Variants in A2M observed in about 807,000 individuals in gnomAD.
The protein encoded by A2M is alpha-2-macroglobulin, also known as C3 and PZP-like alpha-2-macroglobulin domain-containing protein 5.
In A2M, 128 loss-of-function variants were observed where a neutral mutation model predicts 183.9. The ratio of observed to expected loss-of-function variants is 0.70; its 90% CI spans 0.60 to 0.81. The LOEUF is 0.81. Among genes scored for constraint, A2M ranks in the 30% least tolerant of loss-of-function variants. The pLI is 0.00. For synonymous variants in A2M, 592 were observed against 670.8 expected (o/e 0.88, Z 1.81); for missense variants, 1,495 against 1,787.6 (o/e 0.84, Z 2.95).
intron 21 of A2M, among the ~76,000 whole-genome samples, chr12:9,089,538 C>G (rs1186220347): frequency 1.3e-5 from 2 of 152,074 alleles, no homozygotes; most frequent in Admixed American, 6.5e-5. Context: ...GCCAGGAGTT[C>G]GAGACCAGCC....
chr12:9,094,339 G>GTATA lies in A2M; in HGVS notation c.2125+633_2125+634insTATA, dbSNP rs1565592461. ...CCAGCTCTCTGGAAAAAAAAATTGTGCATATATATATATATATATATATAT... is the reference window on the plus strand; with the variant it reads ...CCAGCTCTCTGGAAAAAAAAATTGTGTATACATATATATATATATATATATATAT... On this transcript the variant is annotated intron_variant, in intron 17 of 35. Coordinates refer to ENST00000318602, the MANE Select transcript of A2M (RefSeq NM_000014.6). Among the ~76,000 whole-genome samples, 10 of 65,254 alleles carry GTATA rather than the reference G, an allele frequency of 1.5e-4. No homozygotes were observed. In the East Asian group the frequency reaches 6.1e-3, roughly 40 times the overall value. The allele number at this position is 65,254 out of a possible 152,430, so 42.8% of individuals were successfully genotyped here.
chr12:9,072,375 T>C lies in A2M; in HGVS notation c.4087A>G (p.Ile1363Val). The C allele has an allele frequency of 6.2e-7, 1 of 1,613,918 alleles. No individual in the cohort carries two copies. Among genetic ancestry groups the C allele is most frequent in the Non-Finnish European group, 8.5e-7 (1 of 1,179,868 alleles). Residue 1363 changes from isoleucine to valine, a missense_variant, in exon 31 of 36, where the codon ATC becomes GTC. Physicochemically the swap from Ile to Val is conservative, Grantham distance 29. Transcript: ENST00000318602. ...DEPKAHTSFQ[I>V]SLSVSYTGSR... is the part of the protein sequence containing the mutation. ...AGGTCTTACCTGACACTTAGGGAGA[T>C]TTGGAAGCTGGTGTGGGCTTTGGGT...
At chr12:9,104,483 C>T in intron 10 of A2M, 83 bp from the exon 11 acceptor site, 1 of 1,418,588 alleles carries the variant, frequency 7.0e-7, no homozygotes, top group Non-Finnish European at 9.6e-7. Context: ...TTTTTTAGTG[C>T]CTCCTCTATG....
chr12:9,093,897 A>G (rs747498148), intron 17 of A2M, among the ~76,000 whole-genome samples: 43 of 151,582 alleles, frequency 2.8e-4, no homozygotes, highest in African/African-American at 9.8e-4. Context: ...CGTCTCAAAC[A>G]AACAAACAAA....
chr12:9,078,054 C>T (rs1372129900), intron 25 of A2M, among the ~76,000 whole-genome samples, 197 bp from the exon 26 acceptor site: 3 of 152,098 alleles, frequency 2.0e-5, no homozygotes, highest in African/African-American at 7.2e-5. Flanking sequence ...CTCTCTTTGC[C>T]ACAGGGAGTC....
At chr12:9,090,746 T>C (rs779057842) in intron 19 of A2M, among the ~76,000 whole-genome samples, 24 of 152,318 alleles carry the variant, frequency 1.6e-4, no homozygotes, top group African/African-American at 5.5e-4. Flanking sequence ...GGCATGCTGC[T>C]CTACCTCTTT....
Position 9,079,302 on chromosome 12 carries a change from A to G in A2M, c.3061T>C (p.Tyr1021His), listed in dbSNP as rs1179413694. 2 of 1,613,658 alleles carry G rather than the reference A, an allele frequency of 1.2e-6. No homozygotes were observed. Among genetic ancestry groups the G allele is most frequent in the African/African-American group, 2.7e-5 (2 of 74,870 alleles). The change falls in exon 25 of 36, where the codon TAT becomes CAT. Residue 1021 changes from tyrosine to histidine, a missense_variant. By Grantham distance (83) the Tyr-to-His change is moderately conservative (BLOSUM62 2). Coordinates refer to ENST00000318602, the MANE Select transcript of A2M (RefSeq NM_000014.6). ...CCAAAGGTGCTGTAGGAGCCATCAT[A>G]GTGTTTGTAGTTCAACTGTCTCTGG... Reference protein sequence around the residue: ...GYQRQLNYKHYDGSYSTFGER... With the variant: ...GYQRQLNYKHHDGSYSTFGER...
In A2M at chr12:9,098,679, G is replaced by T; in HGVS notation, c.1779C>A (p.Ser593=). The T allele has an allele frequency of 6.2e-7, 1 of 1,611,826 alleles. No homozygotes were observed. Among genetic ancestry groups the T allele is most frequent in the Non-Finnish European group, 8.5e-7 (1 of 1,179,252 alleles). Residue 593 remains serine, a synonymous_variant, in exon 15 of 36, where the codon TCC becomes TCA. Coordinates refer to ENST00000318602, the MANE Select transcript of A2M (RefSeq NM_000014.6). Reference sequence around the variant, plus strand: ...GGTCCACAGCACGGAGGGCGCAGACGGACTGAGGAGCCGCTGTGACTCGCA... The same window carrying T: ...GGTCCACAGCACGGAGGGCGCAGACTGACTGAGGAGCCGCTGTGACTCGCA... The part of the protein sequence containing the change: ...AHLRVTAAPQ[S]VCALRAVDQS...
intron 29 of A2M, 73 bp from the exon 30 acceptor site, chr12:9,072,944 A>G (rs1948624485): frequency 1.6e-6 from 2 of 1,269,732 alleles, no homozygotes; most frequent in South Asian, 2.7e-5. Context: ...TTTTTCAAAG[A>G]CCCATGTGAG....
At chr12:9,112,563 C>G in intron 2 of A2M, 27 bp from the exon 3 acceptor site, 1 of 1,612,482 alleles carries the variant, frequency 6.2e-7, no homozygotes, top group Non-Finnish European at 8.5e-7. Flanking sequence ...ATCCTGAAAC[C>G]CCATTCAGCA....
At chr12:9,079,478 T>C (rs780764154) in intron 24 of A2M, 147 bp from the exon 25 acceptor site, 28 of 1,091,896 alleles carry the variant, frequency 2.6e-5, no homozygotes, top group East Asian at 2.0e-4. Context: ...AAATATTTTA[T>C]TGGAGGTTGG....
rs780496411 is a variant in A2M, at chr12:9,074,629, G to C, written c.3687C>G (p.Thr1229=). 1 of 1,613,970 alleles carries C rather than the reference G, an allele frequency of 6.2e-7. No individual in the cohort carries two copies. Among genetic ancestry groups the C allele is most frequent in the African/African-American group, 1.3e-5 (1 of 75,034 alleles). The change falls in exon 29 of 36, where the codon ACC becomes ACG. Residue 1229 remains threonine (T), a synonymous_variant. Transcript: ENST00000318602. ...AQPAPTSEDL[T]SATNIVKWIT... ...TCCACTTCACGATGTTGGTTGCAGA[G>C]GTCAGGTCCTCCGAGGTTGGGGCTG...
chr12:9,096,475 G>T (rs1411416213), intron 15 of A2M, among the ~76,000 whole-genome samples: 4 of 152,158 alleles, frequency 2.6e-5, no homozygotes, highest in African/African-American at 7.2e-5. Flanking sequence ...ACACGAATAG[G>T]AATATCCTCT....
At chr12:9,112,855 C>T (rs1005672206) in intron 2 of A2M, among the ~76,000 whole-genome samples, 3 of 152,132 alleles carry the variant, frequency 2.0e-5, no homozygotes, top group Admixed American at 6.5e-5. Flanking sequence ...AGGGCATGGT[C>T]GAAGCATGTT....
At chr12:9,069,345 A>G (rs745573503) in intron 33 of A2M, among the ~76,000 whole-genome samples, 8 of 152,334 alleles carry the variant, frequency 5.3e-5, no homozygotes, top group African/African-American at 1.9e-4. Flanking sequence ...TTATTATTTT[A>G]TGGTTCAAGT....
At chr12:9,111,640 G>C (rs1938735665) in intron 4 of A2M, 4 of 414,180 alleles carry the variant, frequency 9.7e-6, no homozygotes, top group Admixed American at 9.3e-5. Flanking sequence ...GCCTCTTTTT[G>C]AGATAAGAAA....
rs752368777 is a variant in A2M at position 9,113,384 on chromosome 12, G to A, written c.246C>T (p.Asp82=). ...CAGCGAAGGCGACACAGTGGAGTAC[G>A]TCATTCTCCGCCTCCAGGTCAGTGA... is the stretch of plus-strand genomic sequence containing the variant. The part of the protein sequence containing the change: ...SLFTDLEAEN[D]VLHCVAFAVP... The change falls in exon 2 of 36, where the codon GAC becomes GAT. Residue 82 remains aspartate (D), a synonymous_variant. Transcript: ENST00000318602. The A allele has an allele frequency of 1.1e-5, 18 of 1,613,502 alleles. No homozygotes were observed. The highest frequency in any genetic ancestry group is 1.1e-4 in the East Asian group (5 of 44,870).
chr12:9,113,447 A>T lies in A2M; in HGVS notation c.183T>A (p.Ser61Arg). 1 of 1,613,910 alleles carries T rather than the reference A, an allele frequency of 6.2e-7. No individual in the cohort carries two copies. Among genetic ancestry groups the T allele is most frequent in the South Asian group, 1.1e-5 (1 of 91,042 alleles). The change falls in exon 2 of 36, where the codon AGT (serine) becomes AGA (arginine). Residue 61 changes from serine (S) to arginine (R), a missense_variant. Ser to Arg is a moderately radical substitution (Grantham distance 110, BLOSUM62 -1). Transcript: ENST00000318602. ...TTCCCCTGACAGACTCCAAGGAAGC[A>T]CTTACAGTCACTGTCTCATTCAGGT... Reference protein sequence around the residue: ...LSYLNETVTVSASLESVRGNR... With the variant: ...LSYLNETVTVRASLESVRGNR...
At chr12:9,076,034 G>A (rs1049173852) in intron 28 of A2M, among the ~76,000 whole-genome samples, 6 of 152,082 alleles carry the variant, frequency 3.9e-5, no homozygotes, top group Non-Finnish European at 5.9e-5. Context: ...TTCTTCAACC[G>A]CTCATATAGA....
Sources: gnomAD v4.1 joint callset for allele counts (sites outside exome capture counted in the v4.1 genomes callset) on GRCh38, gnomAD v4.1.1 for gene constraint, MANE v1.5 for transcripts, NCBI Gene and HGNC (gene_info 2026-07-23, HGNC 2026-07-21) for gene names.